FAM3B: variants seen among roughly 807,000 people sequenced by gnomAD.
FAM3B encodes the protein FAM3 metabolism regulating signaling molecule B.
In FAM3B, 29 loss-of-function variants were observed where a neutral mutation model predicts 28.4. The observed-to-expected ratio is 1.02, with a 90% CI of 0.76 to 1.39. The LOEUF (loss-of-function observed/expected upper bound fraction) is 1.39. Ranked by LOEUF, FAM3B falls within the 40% of genes most tolerant of loss-of-function variation. The probability of loss-of-function intolerance (pLI) is 0.00; values close to 1 mark genes in which losing one functional copy is unlikely to be tolerated. For missense variants in FAM3B, 266 were observed against 293.9 expected, an observed-to-expected ratio of 0.91 and a Z score of 0.69; for synonymous variants, 91 against 103.0, an observed-to-expected ratio of 0.88 and a Z score of 0.71.
At chr21:41,321,681 G>A (rs976875672) in intron 1 of FAM3B, among the ~76,000 whole-genome samples, 4 of 152,178 alleles carry the variant, frequency 2.6e-5, no homozygotes, top group Admixed American at 1.3e-4. Flanking sequence ...CAGAAACATC[G>A]CGTTCTATCC....
intron 7 of FAM3B, among the ~76,000 whole-genome samples, chr21:41,352,305 G>T (rs1216219581): frequency 2.0e-5 from 3 of 152,120 alleles, no homozygotes; most frequent in African/African-American, 7.2e-5. Flanking sequence ...CATGCAGGGG[G>T]TGCCTTCACA....
chr21:41,338,335 A>G (rs778509800), intron 2 of FAM3B, 43 bp from the exon 3 acceptor site: 1 of 1,609,482 alleles, frequency 6.2e-7, no homozygotes. Flanking sequence ...TCTGTAAATT[A>G]CTGTGGGATG....
intron 2 of FAM3B, among the ~76,000 whole-genome samples, chr21:41,336,255 C>T (rs1047157659): frequency 6.6e-6 from 1 of 152,188 alleles, no homozygotes; most frequent in Non-Finnish European, 1.5e-5. Flanking sequence ...GGCATGGGGG[C>T]TCACATCTGT....
chr21:41,311,109 G>C (rs1294532533), intron 1 of FAM3B, among the ~76,000 whole-genome samples: 4 of 150,302 alleles, frequency 2.7e-5, no homozygotes, highest in African/African-American at 9.8e-5. Flanking sequence ...TTGCTCTCAG[G>C]ACCCCTTTAT....
chr21:41,331,681 T>C (rs2088906773), intron 2 of FAM3B, among the ~76,000 whole-genome samples: 1 of 152,246 alleles, frequency 6.6e-6, no homozygotes, highest in African/African-American at 2.4e-5. Context: ...ATACCATTTA[T>C]TGAAGAGACT....
rs529623136 is a variant in FAM3B at position 41,334,265 on chromosome 21, A to G, written c.164-4113A>G. On this transcript the variant is annotated intron_variant, in intron 2 of 7. Transcript: ENST00000357985. Reference sequence around the variant, plus strand: ...GCTGCAGAAATTTGCATAAGTAAAAAGAAGCCAAGTGCTATTAGCCAAGAC... The same window carrying G: ...GCTGCAGAAATTTGCATAAGTAAAAGGAAGCCAAGTGCTATTAGCCAAGAC... 5.3e-5 allele frequency among the ~76,000 whole-genome samples: 8 copies of G among 152,362 alleles called. No individual in the cohort carries two copies. The East Asian group carries it at 1.5e-3, about 29-fold the overall frequency.
upstream of FAM3B, among the ~76,000 whole-genome samples, chr21:41,314,368 A>T (rs1285986732): frequency 6.6e-6 from 1 of 152,236 alleles, no homozygotes; most frequent in Non-Finnish European, 1.5e-5. Context: ...CAGCAAACAG[A>T]CTAAGTCTTG....
chr21:41,344,542 A>G lies in FAM3B; in HGVS notation c.346+8A>G. ...ACATTGCCATTGTCAACTGTAAGTT[A>G]CTAAACATTTTCTTTAAACTTCTCT... On this transcript the variant is annotated splice_region_variant and intron_variant, in intron 4 of 7. Coordinates refer to ENST00000357985, the MANE Select transcript of FAM3B (RefSeq NM_058186.4). The G allele has an allele frequency of 6.2e-7, 1 of 1,612,640 alleles. No homozygotes were observed. Among genetic ancestry groups the G allele is most frequent in the East Asian group, 2.2e-5 (1 of 44,884 alleles).
chr21:41,345,644 TC>T, intron 4 of FAM3B, 41 bp from the exon 5 acceptor site: 1 of 1,315,320 alleles, frequency 7.6e-7, no homozygotes, highest in Non-Finnish European at 1.0e-6. Flanking sequence ...GCGCCCTAGT[TC>T]TGTGAACTTT....
intron 3 of FAM3B, among the ~76,000 whole-genome samples, chr21:41,339,541 A>G (rs1320361973): frequency 6.6e-6 from 1 of 152,204 alleles, no homozygotes; most frequent in Non-Finnish European, 1.5e-5. Flanking sequence ...TAGCATTTAC[A>G]ATTCAAATTC....
At chr21:41,322,224 A>C in intron 1 of FAM3B, among the ~76,000 whole-genome samples, 1 of 152,202 alleles carries the variant, frequency 6.6e-6, no homozygotes, top group Non-Finnish European at 1.5e-5. Context: ...GGAGGAGATC[A>C]ATGCCTTTTC....
intron 1 of FAM3B, chr21:41,319,410 C>G (rs2088781349): frequency 6.6e-6 from 1 of 152,256 alleles, no homozygotes; most frequent in Non-Finnish European, 1.5e-5. Context: ...GCAGCAAGCA[C>G]AGTGGAGGAG....
intron 2 of FAM3B, among the ~76,000 whole-genome samples, chr21:41,334,730 G>A (rs1030452873): frequency 6.6e-6 from 1 of 152,198 alleles, no homozygotes; most frequent in African/African-American, 2.4e-5. Context: ...CTGGAGCACT[G>A]CCTAGTGGAG....
chr21:41,328,602 C>T (rs1191393735), intron 2 of FAM3B, among the ~76,000 whole-genome samples: 1 of 152,194 alleles, frequency 6.6e-6, no homozygotes, highest in Admixed American at 6.5e-5. Context: ...CTTAGCCTTC[C>T]AAAGTGCTGG....
intron 5 of FAM3B, chr21:41,346,166 A>T: frequency 6.4e-6 from 1 of 156,344 alleles, no homozygotes; most frequent in Non-Finnish European, 1.4e-5. Context: ...CATTCCCGGA[A>T]CCCACGGGTG....
chr21:41,347,068 C>A lies in FAM3B; in HGVS notation c.453C>A (p.Leu151=). Residue 151 remains leucine, a synonymous_variant, in exon 6 of 8, where the codon CTC becomes CTA. Transcript: ENST00000357985. ...AGAGTGCTGCTCCAAAATCCCTGCT[C>A]TTCATGGTGACCTATGACGACGGAA... ...FIQSAAPKSL[L]FMVTYDDGST... 6.2e-7 allele frequency: 1 copy of A among 1,614,148 alleles called. No homozygotes were observed. The highest frequency in any genetic ancestry group is 8.5e-7 in the Non-Finnish European group (1 of 1,180,020).
At chr21:41,333,911 A>G (rs1255433101) in intron 2 of FAM3B, among the ~76,000 whole-genome samples, 2 of 152,176 alleles carry the variant, frequency 1.3e-5, no homozygotes, top group African/African-American at 4.8e-5. Context: ...GGAAATGAGG[A>G]ACTTATTGGG....
chr21:41,322,798 C>G, intron 1 of FAM3B, 125 bp from the exon 2 acceptor site: 2 of 1,443,442 alleles, frequency 1.4e-6, no homozygotes, highest in Non-Finnish European at 1.9e-6. Flanking sequence ...CCCAGGAGCA[C>G]AGTGCCTATA....
At chr21:41,304,307 C>G (rs2088669202) in exon 1 of FAM3B, 1 of 455,972 alleles carries the variant, frequency 2.2e-6, no homozygotes, top group Non-Finnish European at 4.4e-6. Context: ...GAGCCCGAGA[C>G]TGGGTGAGAG....
Sources: gnomAD v4.1 joint callset for allele counts (sites outside exome capture counted in the v4.1 genomes callset) on GRCh38, gnomAD v4.1.1 for gene constraint, MANE v1.5 for transcripts, NCBI Gene and HGNC (gene_info 2026-07-23, HGNC 2026-07-21) for gene names.